ST6GALNAC5: variants seen among roughly 807,000 people sequenced by gnomAD.
ST6GALNAC5 encodes the protein alpha-N-acetylgalactosaminide alpha-2,6-sialyltransferase 5.
ST6GALNAC5 carries 27 observed loss-of-function variants against 33.6 expected under a neutral mutation model. That is an observed-to-expected ratio of 0.80 (90% CI 0.59 to 1.11). ST6GALNAC5 has a LOEUF of 1.11. ST6GALNAC5 is among the 50% of genes least tolerant of loss of function. The pLI, the probability that ST6GALNAC5 is intolerant of heterozygous loss-of-function variation, is 0.00. For missense variants in ST6GALNAC5, 428 were observed against 454.0 expected (o/e 0.94, Z 0.52); for synonymous variants, 194 against 171.2 (o/e 1.13, Z -1.04).
rs2100490249 is a variant in ST6GALNAC5, at chr1:77,067,046, A to G, written c.*3840A>G. 6.6e-6 allele frequency among the ~76,000 whole-genome samples: 1 copy of G among 152,272 alleles called. No homozygotes were observed. The highest frequency in any genetic ancestry group is 1.5e-5 in the Non-Finnish European group (1 of 68,026). Reference sequence around the variant, plus strand: ...CAGGGCCAAGTGGGGAGTGAAGAAGAGGGGTCCCCAAGACACAGACTTCAG... The same window carrying G: ...CAGGGCCAAGTGGGGAGTGAAGAAGGGGGGTCCCCAAGACACAGACTTCAG... On this transcript the variant is annotated 3_prime_UTR_variant, in exon 5 of 5. Transcript: ENST00000477717.
intron 2 of ST6GALNAC5, among the ~76,000 whole-genome samples, chr1:76,870,204 T>A (rs867743916): frequency 1.3e-5 from 2 of 152,220 alleles, no homozygotes; most frequent in Non-Finnish European, 1.5e-5. Context: ...ATGCTTTGTA[T>A]CTGCATGTGC....
chr1:76,992,123 C>G (rs531193150), intron 2 of ST6GALNAC5, among the ~76,000 whole-genome samples: 2 of 152,152 alleles, frequency 1.3e-5, no homozygotes, highest in South Asian at 4.2e-4. Context: ...TCCCATATCC[C>G]GGTGGTTATA....
At chr1:77,043,766 G>A (rs1466560558) in intron 2 of ST6GALNAC5, among the ~76,000 whole-genome samples, 1 of 152,128 alleles carries the variant, frequency 6.6e-6, no homozygotes, top group Non-Finnish European at 1.5e-5. Flanking sequence ...GCTTCAACTT[G>A]GGAGTAACTT....
intron 2 of ST6GALNAC5, among the ~76,000 whole-genome samples, chr1:76,939,689 T>C (rs1305090065): frequency 6.6e-6 from 1 of 152,114 alleles, no homozygotes; most frequent in East Asian, 1.9e-4. Flanking sequence ...CGCATAGTGG[T>C]TAAGACTGAG....
chr1:76,870,778 T>C (rs941753976), intron 2 of ST6GALNAC5, among the ~76,000 whole-genome samples: 6 of 152,186 alleles, frequency 3.9e-5, no homozygotes, highest in Non-Finnish European at 5.9e-5. Flanking sequence ...TGGAGATAAT[T>C]ATGAATATCA....
At chr1:76,870,320 A>C (rs1653471492) in intron 2 of ST6GALNAC5, among the ~76,000 whole-genome samples, 2 of 152,178 alleles carry the variant, frequency 1.3e-5, no homozygotes, top group Admixed American at 6.5e-5. Flanking sequence ...ATATACTGAG[A>C]TCATGGATTT....
rs554655802 is a variant in ST6GALNAC5, at chr1:76,927,965, G to A, written c.261+59223G>A. On this transcript the variant is annotated intron_variant, in intron 2 of 4. Coordinates refer to ENST00000477717, the MANE Select transcript of ST6GALNAC5 (RefSeq NM_030965.3). Reference sequence around the variant, plus strand: ...TCCAGAAGAGTAACCACATGTTGTAGGGCCTAATTTCAGGTTCAAAATGGA... The same window carrying A: ...TCCAGAAGAGTAACCACATGTTGTAAGGCCTAATTTCAGGTTCAAAATGGA... Among the ~76,000 whole-genome samples the A allele has an allele frequency of 3.9e-5, 6 of 152,218 alleles. No homozygotes were observed. In the East Asian group the frequency reaches 7.7e-4, roughly 20 times the overall value.
chr1:76,881,562 A>G (rs1557708256), intron 2 of ST6GALNAC5, among the ~76,000 whole-genome samples: 2 of 151,420 alleles, frequency 1.3e-5, no homozygotes, highest in Admixed American at 6.6e-5. Flanking sequence ...GAAACCAGGC[A>G]TTTTTTTTTC....
chr1:76,938,549 T>C (rs868282197), intron 2 of ST6GALNAC5, among the ~76,000 whole-genome samples: 2 of 152,096 alleles, frequency 1.3e-5, no homozygotes, highest in South Asian at 2.1e-4. Flanking sequence ...CTCATCTTTG[T>C]TGCATTTCTA....
intron 2 of ST6GALNAC5, among the ~76,000 whole-genome samples, chr1:76,992,094 C>T (rs1467448856): frequency 1.3e-5 from 2 of 152,102 alleles, no homozygotes; most frequent in Non-Finnish European, 2.9e-5. Context: ...TAGTAATCAT[C>T]AACACCTTAT....
intron 2 of ST6GALNAC5, among the ~76,000 whole-genome samples, chr1:77,043,841 G>A (rs1651912227): frequency 6.6e-6 from 1 of 152,104 alleles, no homozygotes; most frequent in Admixed American, 6.5e-5. Context: ...AGGAATAAAG[G>A]GCAACTTTGG....
At chr1:76,880,864 G>A (rs1653763976) in intron 2 of ST6GALNAC5, among the ~76,000 whole-genome samples, 1 of 152,198 alleles carries the variant, frequency 6.6e-6, no homozygotes, top group Non-Finnish European at 1.5e-5. Context: ...CCACAAGACA[G>A]AATATTTGCA....
chr1:76,977,280 T>C (rs35988442), intron 2 of ST6GALNAC5, among the ~76,000 whole-genome samples: 1 of 152,224 alleles, frequency 6.6e-6, no homozygotes, highest in African/African-American at 2.4e-5. Context: ...TTAATTACCG[T>C]ATTTGTTACT....
chr1:76,894,222 C>T (rs2100253852), intron 2 of ST6GALNAC5, among the ~76,000 whole-genome samples: 1 of 152,280 alleles, frequency 6.6e-6, no homozygotes, highest in Middle Eastern at 3.4e-3. Flanking sequence ...GGAACTGAAT[C>T]ATCATAAAAT....
chr1:76,879,560 T>C (rs1436625950), intron 2 of ST6GALNAC5, among the ~76,000 whole-genome samples: 1 of 152,210 alleles, frequency 6.6e-6, no homozygotes, highest in East Asian at 1.9e-4. Flanking sequence ...ACTGGGACTT[T>C]AGTCTAGTTA....
chr1:76,935,928 T>C (rs1435046091), intron 2 of ST6GALNAC5, among the ~76,000 whole-genome samples: 2 of 152,038 alleles, frequency 1.3e-5, no homozygotes, highest in East Asian at 1.9e-4. Flanking sequence ...TGCCAGATTA[T>C]GGGTATAATA....
intron 4 of ST6GALNAC5, among the ~76,000 whole-genome samples, chr1:77,052,155 A>C (rs116043207): frequency 6.6e-6 from 1 of 152,334 alleles, no homozygotes; most frequent in African/African-American, 2.4e-5. Context: ...TGTTTGCACA[A>C]GACAGTTTCA....
intron 2 of ST6GALNAC5, among the ~76,000 whole-genome samples, chr1:76,947,123 T>A (rs1647548152): frequency 6.6e-6 from 1 of 152,090 alleles, no homozygotes; most frequent in Non-Finnish European, 1.5e-5. Flanking sequence ...AATTCATACA[T>A]TTTTTTCTTT....
At chr1:76,915,593 A>T (rs1285941912) in intron 2 of ST6GALNAC5, among the ~76,000 whole-genome samples, 1 of 151,900 alleles carries the variant, frequency 6.6e-6, no homozygotes, top group African/African-American at 2.4e-5. Context: ...TATCACAAGG[A>T]CAAAAAACCA....
Sources: gnomAD v4.1 joint callset for allele counts (sites outside exome capture counted in the v4.1 genomes callset) on GRCh38, gnomAD v4.1.1 for gene constraint, MANE v1.5 for transcripts, NCBI Gene and HGNC (gene_info 2026-07-23, HGNC 2026-07-21) for gene names.